The following PHLPP1 variants were observed in gnomAD, a reference collection of about 807,000 sequenced individuals.
PHLPP1 encodes PH domain and leucine rich repeat protein phosphatase 1.
A neutral mutation model predicts 117.2 loss-of-function variants in PHLPP1; 42 were observed. That is an observed-to-expected ratio of 0.36 (90% CI 0.28 to 0.46). The LOEUF is 0.46. PHLPP1 is among the 20% of genes least tolerant of loss of function. The pLI is 1.00. For missense variants in PHLPP1, 2,084 were observed against 2,241.9 expected (o/e 0.93, Z 1.42); for synonymous variants, 1,042 against 970.7 (o/e 1.07, Z -1.37).
chr18:62,958,579 A>G (rs746201459), intron 12 of PHLPP1, 50 bp from the exon 13 acceptor site: 8 of 1,602,854 alleles, frequency 5.0e-6, no homozygotes, highest in Non-Finnish European at 6.8e-6. Context: ...AATTCCCTGA[A>G]GAGCTTCTCT....
chr18:62,834,833 C>T, intron 2 of PHLPP1, among the ~76,000 whole-genome samples: 1 of 151,402 alleles, frequency 6.6e-6, no homozygotes, highest in East Asian at 1.9e-4. Context: ...CCTTTGTTCT[C>T]CTTTCCTCCC....
At chr18:62,792,061 T>C (rs1187540989) in intron 1 of PHLPP1, among the ~76,000 whole-genome samples, 1 of 152,176 alleles carries the variant, frequency 6.6e-6, no homozygotes, top group African/African-American at 2.4e-5. Context: ...TTATTATAAA[T>C]GTAAGCATAT....
At position 62,746,651 on chromosome 18, in the gene PHLPP1, A is replaced by G. The variant is rs148330058; in HGVS notation, c.1576+29392A>G. Among the ~76,000 whole-genome samples, 535 of 152,218 alleles carry G rather than the reference A, an allele frequency of 3.5e-3. 9 individuals carry two copies. The highest frequency in any genetic ancestry group is 0.025 in the Admixed American group (389 of 15,284). Reference sequence around the variant, plus strand: ...GTGTAACTATCCACCAGCTTTGTTGAATCTAACATTTTGCTGTGCTTCAGA... The same window carrying G: ...GTGTAACTATCCACCAGCTTTGTTGGATCTAACATTTTGCTGTGCTTCAGA... On this transcript the variant is annotated intron_variant, in intron 1 of 16. Transcript: ENST00000262719.
chr18:62,919,900 T>C, intron 9 of PHLPP1, 59 bp from the exon 10 acceptor site: 1 of 1,239,754 alleles, frequency 8.1e-7, no homozygotes, highest in South Asian at 1.4e-5. Flanking sequence ...TTTGGAGAGG[T>C]AATTTTAAGT....
At chr18:62,816,839 TC>T (rs1914293199) in intron 1 of PHLPP1, among the ~76,000 whole-genome samples, 1 of 152,216 alleles carries the variant, frequency 6.6e-6, no homozygotes, top group African/African-American at 2.4e-5. Flanking sequence ...AAATAAGACA[TC>T]ATTTCTGCCA....
rs190018428 is a variant in PHLPP1, at chr18:62,743,263, G to A, written c.1576+26004G>A. On this transcript the variant is annotated intron_variant, in intron 1 of 16. Transcript: ENST00000262719. ...TTCCCTATTTTTGAGTAGATTAAGT[G>A]ATAGTGAATAGGAAAAACTTAAAAA... is the stretch of plus-strand genomic sequence containing the variant. Among the ~76,000 whole-genome samples the A allele has an allele frequency of 2.2e-4, 33 of 151,764 alleles. 1 individual carries two copies. Among genetic ancestry groups the A allele is most frequent in the Admixed American group, 2.2e-3 (33 of 15,262 alleles).
rs1451063958 is a variant in PHLPP1 at position 62,912,146 on chromosome 18, C to T, written c.2709-2767C>T. On this transcript the variant is annotated intron_variant, in intron 8 of 16. Coordinates refer to ENST00000262719, the MANE Select transcript of PHLPP1 (RefSeq NM_194449.4). ...GAAGGGGAATATCACACTCTGGGGA[C>T]TGTGGTGGGGTCGGGGGAGGGGGGA... 4.6e-3 allele frequency among the ~76,000 whole-genome samples: 473 copies of T among 103,770 alleles called. 2 individuals are homozygous for T. Among genetic ancestry groups the T allele is most frequent in the African/African-American group, 0.017 (440 of 26,112 alleles). 68.1% of individuals were successfully genotyped at this position (103,770 alleles called of 152,430 possible).
chr18:62,780,875 T>G (rs1444446032), intron 1 of PHLPP1, among the ~76,000 whole-genome samples: 5 of 152,208 alleles, frequency 3.3e-5, no homozygotes, highest in Admixed American at 3.3e-4. Context: ...ATATGATACC[T>G]CATATCCTCT....
At chr18:62,859,710 T>C (rs1384611806) in intron 3 of PHLPP1, among the ~76,000 whole-genome samples, 2 of 152,222 alleles carry the variant, frequency 1.3e-5, no homozygotes, top group African/African-American at 2.4e-5. Context: ...ACCGTGTATT[T>C]ACTCGATAGC....
intron 1 of PHLPP1, chr18:62,824,339 C>A: frequency 2.6e-6 from 1 of 381,946 alleles, no homozygotes; most frequent in Non-Finnish European, 5.1e-6. Flanking sequence ...TTCAAGTGTC[C>A]ATTAGCAGAT....
chr18:62,766,103 A>ATATATATATATATATATATG (rs1491171718), intron 1 of PHLPP1, among the ~76,000 whole-genome samples: 3 of 53,356 alleles, frequency 5.6e-5, no homozygotes, highest in Non-Finnish European at 1.2e-4. Flanking sequence ...ATATATATAT[A>ATATATATATATATATATATG]AAATATATAT....
chr18:62,879,550 T>G (rs1326731051), intron 4 of PHLPP1, among the ~76,000 whole-genome samples: 1 of 152,086 alleles, frequency 6.6e-6, no homozygotes, highest in Non-Finnish European at 1.5e-5. Flanking sequence ...TAGCTTGGAT[T>G]ACAGGCGTGT....
chr18:62,899,728 G>A (rs956640739), intron 6 of PHLPP1, among the ~76,000 whole-genome samples: 47 of 152,110 alleles, frequency 3.1e-4, no homozygotes, highest in Admixed American at 2.6e-4. Flanking sequence ...GGAGTGCAGC[G>A]GTACAAGCGC....
chr18:62,905,450 C>T (rs150108233), intron 8 of PHLPP1, among the ~76,000 whole-genome samples, 166 bp downstream of exon 8: 1 of 152,166 alleles, frequency 6.6e-6, no homozygotes, highest in East Asian at 1.9e-4. Flanking sequence ...GATTAAAATA[C>T]ATTTGTAGTT....
chr18:62,716,310 C>G lies in PHLPP1; in HGVS notation c.627C>G (p.Arg209=). The part of the protein sequence containing the change: ...LQRGCVHVFD[R]HMASTYLRPV... ...GCGGCTGCGTGCACGTCTTCGACCG[C>G]CACATGGCCTCGACCTACCTGCGCC... The change falls in exon 1 of 17, where the codon CGC becomes CGG. Residue 209 remains arginine (R), a synonymous_variant. Coordinates refer to ENST00000262719, the MANE Select transcript of PHLPP1 (RefSeq NM_194449.4). This position sits in a 1 kb window ranked among gnomAD's most constrained non-coding sequence, Gnocchi z 5.7. The G allele has an allele frequency of 6.5e-7, 1 of 1,531,322 alleles. No homozygotes were observed. Among genetic ancestry groups the G allele is most frequent in the African/African-American group, 1.4e-5 (1 of 72,332 alleles). The allele number at this position is 1,531,322 out of a possible 1,614,324, so 94.9% of individuals were successfully genotyped here.
At chr18:62,893,620 T>C (rs558727305) in intron 4 of PHLPP1, among the ~76,000 whole-genome samples, 29 of 152,338 alleles carry the variant, frequency 1.9e-4, no homozygotes, top group African/African-American at 6.5e-4. Flanking sequence ...TTGGGTTGAA[T>C]TGTGTTTATT....
chr18:62,955,743 C>T (rs1031178969), intron 12 of PHLPP1, among the ~76,000 whole-genome samples: 1 of 152,222 alleles, frequency 6.6e-6, no homozygotes, highest in African/African-American at 2.4e-5. Context: ...TTACCAATTT[C>T]ATAAAATTCA....
chr18:62,879,972 C>T (rs1916138503), intron 4 of PHLPP1, among the ~76,000 whole-genome samples: 1 of 151,770 alleles, frequency 6.6e-6, no homozygotes, highest in South Asian at 2.1e-4. Context: ...GTACTTCCTC[C>T]CCCCACCCCC....
rs1909224957 is a variant in PHLPP1 at position 62,915,019 on chromosome 18, C to G, written c.2804+11C>G. On this transcript the variant is annotated intron_variant, in intron 9 of 16. Coordinates refer to ENST00000262719, the MANE Select transcript of PHLPP1 (RefSeq NM_194449.4). Reference sequence around the variant, plus strand: ...TGAACTTCCTGCCCGGTGAGTATTACAGATCAAATGAGAGGATCTCACAAT... The same window carrying G: ...TGAACTTCCTGCCCGGTGAGTATTAGAGATCAAATGAGAGGATCTCACAAT... 6.4e-7 allele frequency: 1 copy of G among 1,569,976 alleles called. No individual in the cohort carries two copies. The highest frequency in any genetic ancestry group is 8.7e-7 in the Non-Finnish European group (1 of 1,143,484).
Sources: allele counts gnomAD v4.1 joint callset (sites outside exome capture counted in the v4.1 genomes callset), GRCh38; gene constraint gnomAD v4.1.1; non-coding constraint Gnocchi (gnomAD v3.1); transcripts MANE v1.5; gene names NCBI Gene and HGNC (gene_info 2026-07-23, HGNC 2026-07-21).